TET1: variants seen among roughly 807,000 people sequenced by gnomAD.
TET1 encodes the protein methylcytosine dioxygenase TET1.
A neutral mutation model predicts 148.7 loss-of-function variants in TET1; 13 were observed. The ratio of observed to expected loss-of-function variants is 0.09; its 90% CI spans 0.06 to 0.14. The LOEUF (loss-of-function observed/expected upper bound fraction) is 0.14, where lower values mean the gene tolerates loss of function less well. Among genes scored for constraint, TET1 ranks in the 10% least tolerant of loss-of-function variants. The pLI, the probability that TET1 is intolerant of heterozygous loss-of-function variation, is 1.00. For synonymous variants in TET1, 907 were observed against 937.2 expected (o/e 0.97, Z 0.59); for missense variants, 2,182 against 2,553.8 (o/e 0.85, Z 3.14).
At chr10:68,569,590 T>C (rs116759313) in intron 1 of TET1, among the ~76,000 whole-genome samples, 3,312 of 152,160 alleles carry the variant, frequency 0.022, 126 homozygotes, top group African/African-American at 0.075. Context: ...TTTTAAAGTA[T>C]CCAAATTTGT....
At chr10:68,673,447 A>T (rs2055301126) in intron 8 of TET1, 1 of 413,464 alleles carries the variant, frequency 2.4e-6, no homozygotes, top group Non-Finnish European at 4.9e-6. Context: ...GAAAGAAGAT[A>T]TATGAAACCG....
intron 6 of TET1, among the ~76,000 whole-genome samples, chr10:68,653,280 A>G (rs2054967648): frequency 6.6e-6 from 1 of 152,144 alleles, no homozygotes; most frequent in Non-Finnish European, 1.5e-5. Context: ...TTAATTGTAC[A>G]TCTCTTCATT....
At chr10:68,575,972 A>G (rs2053725193) in intron 2 of TET1, among the ~76,000 whole-genome samples, 1 of 150,596 alleles carries the variant, frequency 6.6e-6, no homozygotes, top group African/African-American at 2.4e-5. Flanking sequence ...GTGAGCCGAG[A>G]TTGTGCCACT....
chr10:68,690,330 G>A (rs1490792853), intron 11 of TET1, among the ~76,000 whole-genome samples: 2 of 152,248 alleles, frequency 1.3e-5, no homozygotes, highest in East Asian at 1.9e-4. Context: ...AATTATGGCC[G>A]GGCGCAGTAG....
At chr10:68,655,515 C>T (rs1023991800) in intron 6 of TET1, among the ~76,000 whole-genome samples, 14 of 152,162 alleles carry the variant, frequency 9.2e-5, no homozygotes, top group Non-Finnish European at 1.9e-4. Flanking sequence ...TGGCAGCTGG[C>T]TTCTCCTACA....
intron 1 of TET1, among the ~76,000 whole-genome samples, chr10:68,565,473 A>ATATATATATATATAT (rs1554927796): frequency 1.9e-5 from 1 of 51,506 alleles, no homozygotes; most frequent in African/African-American, 6.1e-5. Flanking sequence ...TTAAAAAAAA[A>ATATATATATATATAT]AAATATATAT....
chr10:68,621,535 C>T (rs536209938), intron 3 of TET1, among the ~76,000 whole-genome samples: 5 of 152,136 alleles, frequency 3.3e-5, no homozygotes, highest in Admixed American at 6.6e-5. Context: ...GAGCTGAGAT[C>T]GCACCATTGC....
At chr10:68,618,380 C>T (rs958205134) in intron 3 of TET1, among the ~76,000 whole-genome samples, 3 of 152,050 alleles carry the variant, frequency 2.0e-5, no homozygotes, top group African/African-American at 7.2e-5. Context: ...CATAGAATTC[C>T]ACGGGAATGT....
chr10:68,661,834 A>ACACACACAC (rs1564498577), intron 6 of TET1, among the ~76,000 whole-genome samples: 6 of 150,270 alleles, frequency 4.0e-5, no homozygotes, highest in South Asian at 2.1e-4. Context: ...CACACACACA[A>ACACACACAC]AAAACCAAGT....
chr10:68,656,697 G>A (rs940675388), intron 6 of TET1, among the ~76,000 whole-genome samples: 5 of 152,238 alleles, frequency 3.3e-5, no homozygotes, highest in African/African-American at 4.8e-5. Context: ...TGTGTTGAGT[G>A]AATGAATATG....
chr10:68,595,612 C>CTTTT (rs71470530), intron 2 of TET1, among the ~76,000 whole-genome samples: 941 of 76,456 alleles, frequency 0.012, 57 homozygotes, highest in African/African-American at 0.043. Context: ...CACACAGCTT[C>CTTTT]TTTTTTTTTT....
At chr10:68,619,033 T>G (rs2054333275) in intron 3 of TET1, among the ~76,000 whole-genome samples, 1 of 152,158 alleles carries the variant, frequency 6.6e-6, no homozygotes, top group Admixed American at 6.6e-5. Flanking sequence ...AGTTTTAAAT[T>G]TTCGAAAGGA....
At position 68,573,958 on chromosome 10, in the gene TET1, A is replaced by G; in HGVS notation, c.1620A>G (p.Lys540=). The change falls in exon 2 of 12, where the codon AAA becomes AAG. Residue 540 remains lysine, a synonymous_variant. Transcript: ENST00000373644. ...IAQLSQAGPS[K]SDRGSSQVSV... The stretch of plus-strand genomic sequence containing the variant: ...AACTCTCTCAGGCTGGTCCTAGCAA[A>G]TCAGACAGAGGGAGCTCCCAGGTCA... 1 of 1,614,184 alleles carries G rather than the reference A, an allele frequency of 6.2e-7. No homozygotes were observed. Among genetic ancestry groups the G allele is most frequent in the Non-Finnish European group, 8.5e-7 (1 of 1,180,026 alleles).
intron 1 of TET1, among the ~76,000 whole-genome samples, chr10:68,569,696 T>C (rs901185563): frequency 3.9e-5 from 6 of 152,074 alleles, no homozygotes; most frequent in Admixed American, 1.3e-4. Flanking sequence ...GAGGATTGCT[T>C]GGGGCCAGGA....
At chr10:68,565,475 A>AAAAAT (rs1388182777) in intron 1 of TET1, among the ~76,000 whole-genome samples, 2,987 of 129,082 alleles carry the variant, frequency 0.023, 55 homozygotes, top group Non-Finnish European at 0.037. Flanking sequence ...AAAAAAAAAA[A>AAAAAT]ATATATATAT....
At chr10:68,613,017 C>T (rs767191499) in intron 3 of TET1, among the ~76,000 whole-genome samples, 1 of 152,134 alleles carries the variant, frequency 6.6e-6, no homozygotes, top group Non-Finnish European at 1.5e-5. Flanking sequence ...CAACTCAATA[C>T]ATTTATCTTT....
chr10:68,577,526 GGCCGGGT>G (rs1176318549), intron 2 of TET1, among the ~76,000 whole-genome samples: 2 of 151,898 alleles, frequency 1.3e-5, no homozygotes, highest in African/African-American at 2.4e-5. Flanking sequence ...ATCATAGCTG[GGCCGGGT>G]GCATTGGCTC....
intron 2 of TET1, among the ~76,000 whole-genome samples, chr10:68,577,632 A>G (rs1283866503): frequency 1.3e-5 from 2 of 151,954 alleles, no homozygotes; most frequent in Admixed American, 1.3e-4. Flanking sequence ...ACATGGTGAA[A>G]CCCTGTCTCT....
chr10:68,690,700 G>A (rs997332723), intron 11 of TET1, 108 bp from the exon 12 acceptor site: 9 of 1,082,936 alleles, frequency 8.3e-6, no homozygotes, highest in African/African-American at 3.2e-5. Flanking sequence ...CACAACATCA[G>A]CGTTTTCTTA....
Sources: gnomAD v4.1 joint callset for allele counts (sites outside exome capture counted in the v4.1 genomes callset) on GRCh38, gnomAD v4.1.1 for gene constraint, MANE v1.5 for transcripts, NCBI Gene and HGNC (gene_info 2026-07-23, HGNC 2026-07-21) for gene names.